Variants in PCBP3 observed in about 807,000 individuals in gnomAD.
PCBP3 encodes the protein poly(rC)-binding protein 3.
PCBP3 carries 25 observed loss-of-function variants against 52.7 expected under a neutral mutation model. The observed-to-expected ratio is 0.47, with a 90% CI of 0.35 to 0.66. The LOEUF is 0.66. PCBP3 is among the 30% of genes least tolerant of loss of function. The pLI, the probability that PCBP3 is intolerant of heterozygous loss-of-function variation, is 0.01. For missense variants in PCBP3, 391 were observed against 490.3 expected, an observed-to-expected ratio of 0.80 and a Z score of 1.91; for synonymous variants, 162 against 183.0, an observed-to-expected ratio of 0.89 and a Z score of 0.93.
intron 2 of PCBP3, among the ~76,000 whole-genome samples, chr21:45,680,313 T>C (rs565281144): frequency 6.6e-6 from 1 of 152,326 alleles, no homozygotes; most frequent in Admixed American, 6.5e-5. Flanking sequence ...TTAGGGAAAA[T>C]TGATATCTCT....
At chr21:45,863,678 C>T (rs939624164) in intron 5 of PCBP3, among the ~76,000 whole-genome samples, 5 of 152,236 alleles carry the variant, frequency 3.3e-5, no homozygotes, top group African/African-American at 1.2e-4. Context: ...CTCATCTTGT[C>T]TAAACGGGGA....
chr21:45,936,559 T>G (rs2076919308), intron 16 of PCBP3, among the ~76,000 whole-genome samples: 1 of 152,220 alleles, frequency 6.6e-6, no homozygotes, highest in African/African-American at 2.4e-5. Flanking sequence ...CCTGCATTCT[T>G]GGAGGGAGGG....
chr21:45,858,639 A>G (rs2094398772), intron 5 of PCBP3: 1 of 152,220 alleles, frequency 6.6e-6, no homozygotes, highest in African/African-American at 2.4e-5. Context: ...ACTCCTCGTC[A>G]TAGTGGGTTT....
chr21:45,894,423 A>C (rs1423871769), intron 5 of PCBP3, among the ~76,000 whole-genome samples: 4 of 152,184 alleles, frequency 2.6e-5, no homozygotes, highest in Non-Finnish European at 5.9e-5. Context: ...GATGCAGTCC[A>C]TGTGTGCGGG....
intron 4 of PCBP3, chr21:45,760,242 T>A (rs1274423045): frequency 6.6e-6 from 1 of 152,166 alleles, no homozygotes; most frequent in Non-Finnish European, 1.5e-5. Context: ...ATAGGCATGA[T>A]CACAGTGCAC....
At chr21:45,888,861 G>T (rs932614588) in intron 5 of PCBP3, among the ~76,000 whole-genome samples, 17 of 151,220 alleles carry the variant, frequency 1.1e-4, no homozygotes, top group African/African-American at 4.1e-4. Flanking sequence ...TACATGGAAC[G>T]ATTATAAAGT....
At chr21:45,774,681 T>C (rs1299396128) in intron 4 of PCBP3, among the ~76,000 whole-genome samples, 1 of 152,202 alleles carries the variant, frequency 6.6e-6, no homozygotes, top group Non-Finnish European at 1.5e-5. Context: ...TATTTTGAGG[T>C]ATGTTACCAC....
chr21:45,765,202 T>C (rs781230556), intron 4 of PCBP3, among the ~76,000 whole-genome samples: 1 of 152,112 alleles, frequency 6.6e-6, no homozygotes, highest in African/African-American at 2.4e-5. Flanking sequence ...CCCTGTGGAC[T>C]TGGGTGACTG....
At chr21:45,700,918 GA>G (rs1269145749) in intron 2 of PCBP3, among the ~76,000 whole-genome samples, 2 of 151,940 alleles carry the variant, frequency 1.3e-5, no homozygotes, top group Non-Finnish European at 2.9e-5. Flanking sequence ...CTAAAGTACT[GA>G]AAAAAACCCT....
chr21:45,821,976 T>C lies in PCBP3; in HGVS notation c.-125-27985T>C, dbSNP rs2093153394. Among the ~76,000 whole-genome samples the C allele has an allele frequency of 6.6e-6, 1 of 152,210 alleles. No individual in the cohort carries two copies. Among genetic ancestry groups the C allele is most frequent in the South Asian group, 2.1e-4 (1 of 4,834 alleles). On this transcript the variant is annotated intron_variant, in intron 4 of 17. Transcript: ENST00000681687. The surrounding 1 kb of genome is among the most constrained non-coding windows in gnomAD (Gnocchi z 4.4). Reference sequence around the variant, plus strand: ...TCTTTCCTGACAACTTAGCTATTTATCAGACCCCAAAATCATGAGCCTTGA... The same window carrying C: ...TCTTTCCTGACAACTTAGCTATTTACCAGACCCCAAAATCATGAGCCTTGA...
chr21:45,816,708 C>T (rs1331591827), intron 4 of PCBP3, among the ~76,000 whole-genome samples: 3 of 149,830 alleles, frequency 2.0e-5, no homozygotes, highest in Non-Finnish European at 3.0e-5. Flanking sequence ...CTTGACACCT[C>T]CTGAGAGACC....
At chr21:45,850,117 C>G (rs2093935989) in intron 5 of PCBP3, 22 bp downstream of exon 5, 6 of 1,546,402 alleles carry the variant, frequency 3.9e-6, no homozygotes, top group Non-Finnish European at 4.4e-6. Context: ...TCTTTTGTTT[C>G]CATGTTTGTT....
At chr21:45,881,063 C>G (rs975496544) in intron 5 of PCBP3, among the ~76,000 whole-genome samples, 15 of 152,154 alleles carry the variant, frequency 9.9e-5, no homozygotes, top group African/African-American at 3.6e-4. Flanking sequence ...TCCTGGCTGG[C>G]CTTCATCAAG....
intron 5 of PCBP3, among the ~76,000 whole-genome samples, chr21:45,866,781 C>G (rs1013437603): frequency 1.3e-5 from 2 of 152,166 alleles, no homozygotes; most frequent in Non-Finnish European, 2.9e-5. Flanking sequence ...ACCCCCTCCC[C>G]TCTCCTCTCC....
At chr21:45,849,546 A>T (rs966905159) in intron 4 of PCBP3, among the ~76,000 whole-genome samples, 1 of 152,226 alleles carries the variant, frequency 6.6e-6, no homozygotes, top group African/African-American at 2.4e-5. Flanking sequence ...CTCTAAGACC[A>T]TGCTGAAATT....
intron 2 of PCBP3, among the ~76,000 whole-genome samples, chr21:45,690,057 T>C (rs532050499): frequency 1.7e-4 from 26 of 152,274 alleles, no homozygotes; most frequent in Non-Finnish European, 3.5e-4. Context: ...GCCACAACTA[T>C]TTGGAAAAGA....
chr21:45,911,450 T>C (rs1415590754), intron 11 of PCBP3: 3 of 272,082 alleles, frequency 1.1e-5, no homozygotes, highest in South Asian at 3.7e-5. Context: ...CATGCAGTTC[T>C]GCAGAAGGAG....
In PCBP3 at chr21:45,827,341, A is replaced by G. The variant is rs2093335430; in HGVS notation, c.-125-22620A>G. Among the ~76,000 whole-genome samples, 1 of 152,218 alleles carries G rather than the reference A, an allele frequency of 6.6e-6. No individual in the cohort carries two copies. Among genetic ancestry groups the G allele is most frequent in the Non-Finnish European group, 1.5e-5 (1 of 68,044 alleles). On this transcript the variant is annotated intron_variant, in intron 4 of 17. Transcript: ENST00000681687. This position sits in a 1 kb window ranked among gnomAD's most constrained non-coding sequence, Gnocchi z 4.3. The stretch of plus-strand genomic sequence containing the variant: ...GATAAAAGAAGATCTGGACATGATC[A>G]TCACGTCACATCACATGGCCAGGTT...
chr21:45,716,381 C>T lies in PCBP3; in HGVS notation c.-199-19011C>T, dbSNP rs2148240746. 1.3e-5 allele frequency among the ~76,000 whole-genome samples: 2 copies of T among 152,258 alleles called. 1 individual carries two copies. The highest frequency in any genetic ancestry group is 4.1e-4 in the South Asian group (2 of 4,824). On this transcript the variant is annotated intron_variant, in intron 2 of 17. Transcript: ENST00000681687. ...ACCCTGAATTAGTCTGCTAGGGCTG[C>T]CATAACAACATACTACACTGAATGG...
Sources: allele counts gnomAD v4.1 joint callset (sites outside exome capture counted in the v4.1 genomes callset), GRCh38; gene constraint gnomAD v4.1.1; non-coding constraint Gnocchi (gnomAD v3.1); transcripts MANE v1.5; gene names NCBI Gene and HGNC (gene_info 2026-07-23, HGNC 2026-07-21).